FMN2: variants seen among roughly 807,000 people sequenced by gnomAD.
FMN2 encodes formin-2.
FMN2 carries 51 observed loss-of-function variants against 142.3 expected under a neutral mutation model. The ratio of observed to expected loss-of-function variants is 0.36; its 90% CI spans 0.29 to 0.45. The LOEUF (loss-of-function observed/expected upper bound fraction) is 0.45, where lower values mean the gene tolerates loss of function less well. Among genes scored for constraint, FMN2 ranks in the 20% least tolerant of loss-of-function variants. The pLI is 1.00. For synonymous variants in FMN2, 882 were observed against 869.8 expected (o/e 1.01, Z -0.25); for missense variants, 1,936 against 2,122.8 (o/e 0.91, Z 1.73).
At chr1:240,410,105 C>T (rs1307911764) in intron 15 of FMN2, among the ~76,000 whole-genome samples, 1 of 149,928 alleles carries the variant, frequency 6.7e-6, no homozygotes, top group Non-Finnish European at 1.5e-5. Flanking sequence ...AAAAGATGTA[C>T]AGCAAAGTTA....
chr1:240,434,163 T>A (rs377668702), intron 15 of FMN2, among the ~76,000 whole-genome samples: 41 of 152,336 alleles, frequency 2.7e-4, no homozygotes, highest in African/African-American at 8.7e-4. Context: ...TGCATTTTTT[T>A]AAATAACTGA....
chr1:240,352,989 A>T (rs747671240), intron 13 of FMN2, among the ~76,000 whole-genome samples: 2 of 152,176 alleles, frequency 1.3e-5, no homozygotes, highest in African/African-American at 4.8e-5. Context: ...AGGTTACGTC[A>T]CTGTAGGAGT....
At chr1:240,131,233 T>G (rs147681635) in intron 2 of FMN2, among the ~76,000 whole-genome samples, 24 of 152,266 alleles carry the variant, frequency 1.6e-4, no homozygotes, top group Non-Finnish European at 2.9e-4. Flanking sequence ...ATAGTAAGTG[T>G]TCAATGCCCT....
intron 16 of FMN2, chr1:240,458,336 A>G (rs1329262696): frequency 3.9e-5 from 6 of 152,156 alleles, no homozygotes; most frequent in Non-Finnish European, 8.8e-5. Flanking sequence ...ATAATTGCAA[A>G]TTATTATGAT....
At chr1:240,235,241 A>G (rs149526872) in intron 6 of FMN2, among the ~76,000 whole-genome samples, 44 of 152,342 alleles carry the variant, frequency 2.9e-4, no homozygotes, top group African/African-American at 9.4e-4. Flanking sequence ...CTCATATACA[A>G]GTTGAGAAAG....
chr1:240,446,624 A>G (rs1283969346), intron 16 of FMN2, among the ~76,000 whole-genome samples: 2 of 152,178 alleles, frequency 1.3e-5, no homozygotes, highest in Admixed American at 1.3e-4. Flanking sequence ...TTATTTTTTC[A>G]GGGGCAATTT....
rs901699283 is a variant in FMN2, at chr1:240,208,637, G to T, written c.3825G>T (p.Gly1275=). The change falls in exon 5 of 18, where the codon GGG becomes GGT. Residue 1275 remains glycine (G), a synonymous_variant. Transcript: ENST00000319653. ...TGCCAAGTGGCTTGTTTGGATTAGGGATGAATCAGGACAAAGGGAGTAGGA... is the reference window on the plus strand; with the variant it reads ...TGCCAAGTGGCTTGTTTGGATTAGGTATGAATCAGGACAAAGGGAGTAGGA... ...PPLPSGLFGL[G]MNQDKGSRKQ... The T allele has an allele frequency of 1.2e-6, 2 of 1,613,788 alleles. No homozygotes were observed. Among genetic ancestry groups the T allele is most frequent in the Non-Finnish European group, 1.7e-6 (2 of 1,180,046 alleles).
rs1429093338 is a variant in FMN2 at position 240,144,778 on chromosome 1, G to A, written c.1782+21433G>A. 9.3e-6 allele frequency: 13 copies of A among 1,397,604 alleles called. 1 individual carries two copies. The highest frequency in any genetic ancestry group is 3.5e-4 in the Middle Eastern group (2 of 5,678). 86.6% of individuals were successfully genotyped at this position (1,397,604 alleles called of 1,614,324 possible). A position where few individuals can be genotyped will look rare whatever the true frequency, so the allele number is the denominator to read the frequency against. On this transcript the variant is annotated intron_variant, in intron 2 of 17. Transcript: ENST00000319653. ...TAAGGTCACAGGCCTCATGCTCTGC[G>A]TCGTGGACCATGTTGTAGGGGACGA... is the stretch of plus-strand genomic sequence containing the variant.
At chr1:240,313,878 G>A (rs1445985004) in intron 8 of FMN2, among the ~76,000 whole-genome samples, 1 of 152,080 alleles carries the variant, frequency 6.6e-6, no homozygotes, top group East Asian at 1.9e-4. Flanking sequence ...GGAGACTGAG[G>A]CAGGAGAATT....
chr1:240,123,446 T>TA, intron 2 of FMN2, 101 bp downstream of exon 2: 1 of 1,247,250 alleles, frequency 8.0e-7, no homozygotes, highest in Non-Finnish European at 1.1e-6. Context: ...AAAAACAACA[T>TA]GTGATTCAAG....
At chr1:240,149,175 T>C (rs1663658200) in intron 2 of FMN2, among the ~76,000 whole-genome samples, 1 of 152,346 alleles carries the variant, frequency 6.6e-6, no homozygotes, top group East Asian at 1.9e-4. Flanking sequence ...TTTGTACTTA[T>C]CAAAGTTTCA....
intron 16 of FMN2, among the ~76,000 whole-genome samples, chr1:240,464,269 G>C (rs1208642986): frequency 3.9e-5 from 6 of 152,102 alleles, no homozygotes; most frequent in Non-Finnish European, 8.8e-5. Flanking sequence ...CTAAAATTAT[G>C]GGGGAGAGTT....
intron 2 of FMN2, among the ~76,000 whole-genome samples, chr1:240,148,351 GAC>G (rs1439754223): frequency 1.7e-4 from 16 of 96,948 alleles, no homozygotes; most frequent in South Asian, 1.0e-3. Flanking sequence ...AAGAGAGAAA[GAC>G]AGAGAGACAG....
At chr1:240,436,606 A>G (rs9727451) in intron 15 of FMN2, among the ~76,000 whole-genome samples, 138,550 of 151,462 alleles carry the variant, frequency 0.91, 63,489 homozygotes, top group African/African-American at 0.96. Context: ...GTACCCGGGA[A>G]GTGGAGGTTG....
At chr1:240,324,584 C>T (rs1671090082) in intron 8 of FMN2, among the ~76,000 whole-genome samples, 1 of 151,324 alleles carries the variant, frequency 6.6e-6, no homozygotes. Context: ...TTGCTTAAAC[C>T]TGGGAGGCAG....
At position 240,413,080 on chromosome 1, in the gene FMN2, G is replaced by T. The variant is rs569853222; in HGVS notation, c.4910+20518G>T. 3.7e-4 allele frequency among the ~76,000 whole-genome samples: 44 copies of T among 120,388 alleles called. No individual in the cohort carries two copies. In the South Asian group the frequency reaches 0.011, roughly 31 times the overall value. 79.0% of individuals were successfully genotyped at this position (120,388 alleles called of 152,430 possible). A position where few individuals can be genotyped will look rare whatever the true frequency, so the allele number is the denominator to read the frequency against. On this transcript the variant is annotated intron_variant, in intron 15 of 17. Coordinates refer to ENST00000319653, the MANE Select transcript of FMN2 (RefSeq NM_020066.5). ...AGAGCTTGCAGTGAGCCGAGATGGT[G>T]CCACTGCACTCCAGCCTGGGCGACA...
At chr1:240,193,088 A>G (rs939509815) in intron 4 of FMN2, among the ~76,000 whole-genome samples, 1 of 152,112 alleles carries the variant, frequency 6.6e-6, no homozygotes, top group Admixed American at 6.6e-5. Flanking sequence ...AAATGAAGTA[A>G]TATCTTTGCT....
chr1:240,153,656 T>C (rs2103276656), intron 2 of FMN2, among the ~76,000 whole-genome samples: 1 of 152,198 alleles, frequency 6.6e-6, no homozygotes, highest in Non-Finnish European at 1.5e-5. Flanking sequence ...GAGCCACTGC[T>C]CCCAGCCTGT....
chr1:240,162,556 A>G (rs183456043), intron 2 of FMN2, among the ~76,000 whole-genome samples: 37 of 152,240 alleles, frequency 2.4e-4, no homozygotes, highest in Non-Finnish European at 5.0e-4. Context: ...CTTAAAAATT[A>G]TGTTTTATCT....
Sources: gnomAD v4.1 joint callset for allele counts (sites outside exome capture counted in the v4.1 genomes callset) on GRCh38, gnomAD v4.1.1 for gene constraint, MANE v1.5 for transcripts, NCBI Gene and HGNC (gene_info 2026-07-23, HGNC 2026-07-21) for gene names.